Variants in AGBL4 observed in about 807,000 individuals in gnomAD.
The protein encoded by AGBL4 is AGBL carboxypeptidase 4.
Under a neutral mutation model 66.4 loss-of-function variants are expected in AGBL4, and 58 were observed. That is an observed-to-expected ratio of 0.87 (90% CI 0.71 to 1.09). AGBL4 has a LOEUF of 1.09. Among genes scored for constraint, AGBL4 ranks in the 50% least tolerant of loss-of-function variants. AGBL4 has a pLI of 0.00. For synonymous variants in AGBL4, 234 were observed against 222.9 expected (o/e 1.05, Z -0.44); for missense variants, 579 against 631.0 (o/e 0.92, Z 0.88).
At chr1:49,607,047 T>TTCA (rs1645074564) in intron 3 of AGBL4, among the ~76,000 whole-genome samples, 2 of 152,182 alleles carry the variant, frequency 1.3e-5, no homozygotes, top group Admixed American at 1.3e-4. Context: ...CAAAATTCAG[T>TTCA]TCAAATGATA....
chr1:49,117,746 G>C (rs1429321209), intron 4 of AGBL4, among the ~76,000 whole-genome samples: 2 of 151,892 alleles, frequency 1.3e-5, no homozygotes, highest in African/African-American at 4.8e-5. Context: ...GTTTTTTCCA[G>C]TTCTGTGAAG....
chr1:49,878,105 A>C (rs1188491678), intron 1 of AGBL4, among the ~76,000 whole-genome samples: 1 of 149,168 alleles, frequency 6.7e-6, no homozygotes, highest in African/African-American at 2.5e-5. Flanking sequence ...CCTTTCAAAA[A>C]ACCAGCTCCT....
intron 2 of AGBL4, among the ~76,000 whole-genome samples, chr1:49,841,371 C>A (rs1557501907): frequency 6.6e-6 from 1 of 152,142 alleles, no homozygotes. Flanking sequence ...AAAGACATAC[C>A]ATGCTCATTG....
chr1:48,916,122 A>C (rs1653560626), intron 5 of AGBL4, among the ~76,000 whole-genome samples: 1 of 152,188 alleles, frequency 6.6e-6, no homozygotes, highest in African/African-American at 2.4e-5. Context: ...TATCTGGCCC[A>C]GGGCAAGGGC....
At chr1:49,978,255 C>T (rs1196455094) in intron 1 of AGBL4, among the ~76,000 whole-genome samples, 1 of 151,988 alleles carries the variant, frequency 6.6e-6, no homozygotes, top group African/African-American at 2.4e-5. Context: ...TTGAGACCAC[C>T]CTGGGCAACA....
At chr1:48,546,896 C>CACACAT (rs764972096) in intron 11 of AGBL4, among the ~76,000 whole-genome samples, 1 of 151,106 alleles carries the variant, frequency 6.6e-6, no homozygotes, top group African/African-American at 2.4e-5. Context: ...CACACACACA[C>CACACAT]ACATACATAA....
At chr1:50,016,317 T>C (rs1416207432) in intron 1 of AGBL4, among the ~76,000 whole-genome samples, 1 of 152,184 alleles carries the variant, frequency 6.6e-6, no homozygotes, top group Non-Finnish European at 1.5e-5. Context: ...ATCGTATCAC[T>C]TTGGGAGGCC....
intron 4 of AGBL4, among the ~76,000 whole-genome samples, chr1:49,135,242 A>T (rs1254183890): frequency 6.6e-6 from 1 of 152,174 alleles, no homozygotes; most frequent in Non-Finnish European, 1.5e-5. Context: ...ATAATGATAT[A>T]TAAAATGTTT....
At chr1:48,592,813 G>A (rs1007095422) in intron 9 of AGBL4, among the ~76,000 whole-genome samples, 1 of 152,154 alleles carries the variant, frequency 6.6e-6, no homozygotes, top group Non-Finnish European at 1.5e-5. Flanking sequence ...GCAAGTTAGT[G>A]AAGAAGCAAG....
At chr1:48,852,369 T>G (rs574180148) in intron 6 of AGBL4, among the ~76,000 whole-genome samples, 1 of 152,188 alleles carries the variant, frequency 6.6e-6, no homozygotes, top group Non-Finnish European at 1.5e-5. Context: ...CCTATCCTCC[T>G]CACTGTCTTT....
chr1:48,732,009 C>T (rs1648217270), intron 6 of AGBL4, among the ~76,000 whole-genome samples: 1 of 151,990 alleles, frequency 6.6e-6, no homozygotes, highest in Non-Finnish European at 1.5e-5. Flanking sequence ...TGGAGAGATG[C>T]AGATGGTTCT....
chr1:49,149,269 G>A (rs1403348453), intron 4 of AGBL4, among the ~76,000 whole-genome samples: 1 of 152,156 alleles, frequency 6.6e-6, no homozygotes, highest in African/African-American at 2.4e-5. Flanking sequence ...TTTCAAAATT[G>A]TTACTCTGTA....
At chr1:49,006,258 G>A (rs534218413) in intron 5 of AGBL4, among the ~76,000 whole-genome samples, 2 of 152,066 alleles carry the variant, frequency 1.3e-5, no homozygotes, top group South Asian at 4.1e-4. Flanking sequence ...TCAAAGAAAG[G>A]GGTGATGAAG....
intron 3 of AGBL4, among the ~76,000 whole-genome samples, chr1:49,256,547 G>A (rs189665029): frequency 1.5e-4 from 23 of 152,142 alleles, no homozygotes; most frequent in Admixed American, 7.2e-4. Flanking sequence ...TTAAGTAAAT[G>A]GAAAAATCTA....
intron 3 of AGBL4, among the ~76,000 whole-genome samples, chr1:49,507,516 T>A (rs1345916828): frequency 6.6e-6 from 1 of 152,104 alleles, no homozygotes; most frequent in South Asian, 2.1e-4. Context: ...TTCTGGTGAA[T>A]GTGTGAAGTT....
intron 6 of AGBL4, among the ~76,000 whole-genome samples, chr1:48,773,715 A>ACT (rs1644945107): frequency 1.3e-5 from 2 of 152,330 alleles, no homozygotes; most frequent in Non-Finnish European, 1.5e-5. Flanking sequence ...GGGGCCTGGC[A>ACT]CTGGAAGACC....
intron 6 of AGBL4, among the ~76,000 whole-genome samples, chr1:48,746,050 T>C (rs551497103): frequency 6.6e-6 from 1 of 152,318 alleles, no homozygotes; most frequent in Non-Finnish European, 1.5e-5. Context: ...TGATTCACAT[T>C]CTATCCTCAA....
At chr1:49,135,458 G>A (rs1047129237) in intron 4 of AGBL4, among the ~76,000 whole-genome samples, 1 of 152,210 alleles carries the variant, frequency 6.6e-6, no homozygotes, top group East Asian at 1.9e-4. Context: ...GAAATATAGA[G>A]GTGTGAAGTG....
At chr1:50,000,601 A>C (rs899549764) in intron 1 of AGBL4, among the ~76,000 whole-genome samples, 1 of 152,230 alleles carries the variant, frequency 6.6e-6, no homozygotes, top group Non-Finnish European at 1.5e-5. Flanking sequence ...AAGACATTAT[A>C]CAAAAAAGAC....
Sources: gnomAD v4.1 joint callset for allele counts (sites outside exome capture counted in the v4.1 genomes callset) on GRCh38, gnomAD v4.1.1 for gene constraint, MANE v1.5 for transcripts, NCBI Gene and HGNC (gene_info 2026-07-23, HGNC 2026-07-21) for gene names.